Variants in ERICH6B observed in about 807,000 individuals in gnomAD.
ERICH6B encodes glutamate rich 6B.
ERICH6B carries 69 observed loss-of-function variants against 80.0 expected under a neutral mutation model. That is an observed-to-expected ratio of 0.86 (90% CI 0.71 to 1.05). The LOEUF is 1.05. Ranked by LOEUF, ERICH6B falls within the 50% of genes least tolerant of loss-of-function variation. The pLI is 0.00. For missense variants in ERICH6B, 754 were observed against 796.1 expected (o/e 0.95, Z 0.64); for synonymous variants, 283 against 291.9 (o/e 0.97, Z 0.31).
Position 45,591,656 on chromosome 13 carries a change from T to C in ERICH6B, c.638-959A>G, listed in dbSNP as rs73466537. 7.3e-3 allele frequency among the ~76,000 whole-genome samples: 1,103 copies of C among 152,132 alleles called. 27 individuals are homozygous for C. The highest frequency in any genetic ancestry group is 0.025 in the African/African-American group (1,052 of 41,518). On this transcript the variant is annotated intron_variant, in intron 3 of 14. Transcript: ENST00000298738. ...CTAAAAATTAAGCAACATGGGCAAA[T>C]GGTGAAGTTATAATACTAAGTTACA...
chr13:45,550,563 G>A (rs905566156), intron 11 of ERICH6B, among the ~76,000 whole-genome samples: 3 of 152,138 alleles, frequency 2.0e-5, no homozygotes, highest in Non-Finnish European at 4.4e-5. Flanking sequence ...GATTGCATTA[G>A]ATTCCCAGGG....
At chr13:45,595,347 GA>G (rs1416411405) in intron 3 of ERICH6B, among the ~76,000 whole-genome samples, 1 of 152,090 alleles carries the variant, frequency 6.6e-6, no homozygotes, top group East Asian at 1.9e-4. Context: ...ATGATTTGTA[GA>G]AAGCTTAATA....
At chr13:45,568,215 T>C in intron 9 of ERICH6B, 100 bp downstream of exon 9, 1 of 1,322,398 alleles carries the variant, frequency 7.6e-7, no homozygotes, top group Non-Finnish European at 1.0e-6. Context: ...TGGTCCTGAC[T>C]TGCTCTTTTT....
intron 14 of ERICH6B, among the ~76,000 whole-genome samples, chr13:45,542,325 T>C (rs890860154): frequency 2.6e-5 from 4 of 152,252 alleles, no homozygotes; most frequent in African/African-American, 9.6e-5. Flanking sequence ...TAGAAGACTA[T>C]GGGCTCAGAC....
rs561021465 is a variant in ERICH6B, at chr13:45,579,824, C to T, written c.961+109G>A. 3 of 1,089,826 alleles carry T rather than the reference C, an allele frequency of 2.8e-6. No homozygotes were observed. In the East Asian group the frequency reaches 7.8e-5, roughly 28 times the overall value. The allele number at this position is 1,089,826 out of a possible 1,614,324, so 67.5% of individuals were successfully genotyped here. On this transcript the variant is annotated intron_variant, in intron 7 of 14. Coordinates refer to ENST00000298738, the MANE Select transcript of ERICH6B (RefSeq NM_182542.3). Reference sequence around the variant, plus strand: ...GGATGCCCCTCAGTCCCCTCTGGGCCCTGGGTCATGCTGGATCAGAGAGGG... The same window carrying T: ...GGATGCCCCTCAGTCCCCTCTGGGCTCTGGGTCATGCTGGATCAGAGAGGG...
At chr13:45,598,863 G>A (rs928760210) in intron 2 of ERICH6B, among the ~76,000 whole-genome samples, 10 of 152,132 alleles carry the variant, frequency 6.6e-5, no homozygotes, top group African/African-American at 4.8e-5. Flanking sequence ...TGGGACAGCC[G>A]GTATCTGAGG....
chr13:45,587,361 T>G, intron 4 of ERICH6B, 129 bp from the exon 5 acceptor site: 1 of 744,682 alleles, frequency 1.3e-6, no homozygotes, highest in Non-Finnish European at 2.2e-6. Flanking sequence ...TCTCAAGGTT[T>G]GAAGAGACTA....
At chr13:45,554,682 G>A (rs1056738580) in intron 11 of ERICH6B, among the ~76,000 whole-genome samples, 7 of 152,332 alleles carry the variant, frequency 4.6e-5, no homozygotes, top group East Asian at 1.9e-4. Context: ...CCTGAAGCTC[G>A]TCAGCATTTG....
At position 45,550,264 on chromosome 13, in the gene ERICH6B, T is replaced by C; in HGVS notation, c.1460A>G (p.Gln487Arg). The C allele has an allele frequency of 6.4e-7, 1 of 1,551,676 alleles. No individual in the cohort carries two copies. Among genetic ancestry groups the C allele is most frequent in the Non-Finnish European group, 8.7e-7 (1 of 1,146,946 alleles). Residue 487 changes from glutamine (Q) to arginine (R), a missense_variant, in exon 12 of 15, where the codon CAA (glutamine) becomes CGA (arginine). Coordinates refer to ENST00000298738, the MANE Select transcript of ERICH6B (RefSeq NM_182542.3). ...GCCTGTCCCATCAGGAAAGAGAATT[T>C]GATAGACATTCTTGTTGGGGTAGAG... is the stretch of plus-strand genomic sequence containing the variant. ...LILYPNKNVYQILFPDGTGQI... is the reference protein window; with the variant it reads ...LILYPNKNVYRILFPDGTGQI...
chr13:45,587,949 T>G (rs1241074963), intron 4 of ERICH6B, among the ~76,000 whole-genome samples: 2 of 152,180 alleles, frequency 1.3e-5, no homozygotes, highest in African/African-American at 4.8e-5. Context: ...ATGCCTAACA[T>G]ATAAACAGGT....
intron 11 of ERICH6B, among the ~76,000 whole-genome samples, chr13:45,556,007 G>A (rs887172709): frequency 6.7e-6 from 1 of 148,806 alleles, no homozygotes; most frequent in Non-Finnish European, 1.5e-5. Context: ...CATGGCTCAC[G>A]CCCTCATTTC....
In ERICH6B at chr13:45,590,691, T is replaced by G. The variant is rs1439558213; in HGVS notation, c.644A>C (p.Lys215Thr). 3.2e-6 allele frequency: 5 copies of G among 1,550,106 alleles called. No homozygotes were observed. The highest frequency in any genetic ancestry group is 3.5e-6 in the Non-Finnish European group (4 of 1,146,658). The change falls in exon 4 of 15, where the codon AAG (lysine) becomes ACG (threonine). Residue 215 changes from lysine to threonine, a missense_variant. Coordinates refer to ENST00000298738, the MANE Select transcript of ERICH6B (RefSeq NM_182542.3). ...CATGGTTTGTGATGAATAACTTGCC[T>G]TGGGTTCTATTGGAAAAAAGAATAA... ...NLYKKYLKEP[K>T]ASYSSQTMLL...
chr13:45,592,982 A>G (rs1209353705), intron 3 of ERICH6B, among the ~76,000 whole-genome samples: 1 of 152,196 alleles, frequency 6.6e-6, no homozygotes, highest in Non-Finnish European at 1.5e-5. Flanking sequence ...TCTAGACTCC[A>G]CCGTGTGCTG....
intron 11 of ERICH6B, among the ~76,000 whole-genome samples, chr13:45,554,100 C>T (rs183084014): frequency 1.8e-4 from 28 of 152,258 alleles, no homozygotes; most frequent in Admixed American, 7.8e-4. Flanking sequence ...TCCTGTCTAG[C>T]GGAAATTTTG....
chr13:45,550,303 T>C lies in ERICH6B; in HGVS notation c.1421A>G (p.Asp474Gly), dbSNP rs1023057154. Residue 474 changes from aspartate (D) to glycine (G), a missense_variant, in exon 12 of 15, where the codon GAT becomes GGT. Physicochemically the swap from Asp to Gly is moderately conservative, Grantham distance 94. Transcript: ENST00000298738. ...GTTGGGGTAGAGAATTAATTTTCCA[T>C]CACCTTGATGCACCTGGGAAGAAAA... ...IQKKTVVHQG[D>G]GKLILYPNKN... is the part of the protein sequence containing the mutation. The C allele has an allele frequency of 6.4e-6, 10 of 1,551,434 alleles. No individual in the cohort carries two copies. The Admixed American group carries it at 2.0e-4, about 30-fold the overall frequency.
At chr13:45,568,665 A>T (rs1289413743) in intron 8 of ERICH6B, among the ~76,000 whole-genome samples, 1 of 152,238 alleles carries the variant, frequency 6.6e-6, no homozygotes, top group African/African-American at 2.4e-5. Flanking sequence ...TGATCTGTGC[A>T]GCAAACCACC....
At chr13:45,602,460 T>C (rs1389112789) in intron 2 of ERICH6B, among the ~76,000 whole-genome samples, 1 of 152,180 alleles carries the variant, frequency 6.6e-6, no homozygotes, top group African/African-American at 2.4e-5. Flanking sequence ...ATTGAATCAG[T>C]CTTCTTGGTT....
intron 13 of ERICH6B, among the ~76,000 whole-genome samples, chr13:45,548,664 G>C (rs1022527881): frequency 6.6e-6 from 1 of 152,132 alleles, no homozygotes; most frequent in Non-Finnish European, 1.5e-5. Context: ...AGGACTGAGA[G>C]GGGGAGCTCT....
At chr13:45,605,070 A>T (rs12858801) in intron 2 of ERICH6B, among the ~76,000 whole-genome samples, 12 of 152,026 alleles carry the variant, frequency 7.9e-5, no homozygotes, top group Non-Finnish European at 1.3e-4. Flanking sequence ...GGAATCCCTG[A>T]GGCCACTCCC....
Sources: gnomAD v4.1 joint callset for allele counts (sites outside exome capture counted in the v4.1 genomes callset) on GRCh38, gnomAD v4.1.1 for gene constraint, MANE v1.5 for transcripts, NCBI Gene and HGNC (gene_info 2026-07-23, HGNC 2026-07-21) for gene names.